NFATC2: variants seen among roughly 807,000 people sequenced by gnomAD.
NFATC2 encodes nuclear factor of activated T cells 2, also known as nuclear factor of activated T-cells, cytoplasmic 2.
A neutral mutation model predicts 87.3 loss-of-function variants in NFATC2; 22 were observed. That is an observed-to-expected ratio of 0.25 (90% CI 0.18 to 0.36). NFATC2 has a LOEUF of 0.36. NFATC2 is among the 10% of genes least tolerant of loss of function. The pLI is 1.00. For synonymous variants in NFATC2, 565 were observed against 542.2 expected, an observed-to-expected ratio of 1.04 and a Z score of -0.58; for missense variants, 1,149 against 1,259.1, an observed-to-expected ratio of 0.91 and a Z score of 1.32.
intron 10 of NFATC2, among the ~76,000 whole-genome samples, 166 bp downstream of exon 10, chr20:51,398,477 G>A (rs905482213): frequency 4.6e-5 from 7 of 152,036 alleles, no homozygotes; most frequent in Non-Finnish European, 7.4e-5. Context: ...GTCCCCAGGA[G>A]TGTCCACTTC....
At chr20:51,502,779 T>C (rs1050397691) in intron 3 of NFATC2, among the ~76,000 whole-genome samples, 7 of 152,204 alleles carry the variant, frequency 4.6e-5, no homozygotes, top group Non-Finnish European at 1.0e-4. Flanking sequence ...CTGATACAGG[T>C]TCCAAAAACT....
At chr20:51,416,035 G>T (rs1979996163) in intron 9 of NFATC2, among the ~76,000 whole-genome samples, 1 of 152,110 alleles carries the variant, frequency 6.6e-6, no homozygotes, top group Non-Finnish European at 1.5e-5. Context: ...GCCGAGGTGG[G>T]TGGATCACTT....
intron 5 of NFATC2, among the ~76,000 whole-genome samples, chr20:51,461,357 TTG>T (rs1480524255): frequency 1.3e-5 from 2 of 152,186 alleles, no homozygotes; most frequent in Non-Finnish European, 2.9e-5. Context: ...ACCAGGCACC[TTG>T]CTTTTAAAGT....
chr20:51,553,151 A>G (rs1275184901), intron 1 of NFATC2, among the ~76,000 whole-genome samples: 1 of 151,730 alleles, frequency 6.6e-6, no homozygotes, highest in African/African-American at 2.4e-5. Flanking sequence ...GCTGGAGGTG[A>G]GTAGAGGCTG....
chr20:51,504,834 C>T (rs2076149088), intron 3 of NFATC2, among the ~76,000 whole-genome samples: 1 of 152,058 alleles, frequency 6.6e-6, no homozygotes, highest in South Asian at 2.1e-4. Context: ...GTCACCTCCC[C>T]TGCAGTCTTC....
chr20:51,475,470 T>C lies in NFATC2; in HGVS notation c.1523A>G (p.Asn508Ser), dbSNP rs1988630239. The C allele has an allele frequency of 1.2e-6, 2 of 1,613,754 alleles. No homozygotes were observed. The highest frequency in any genetic ancestry group is 2.2e-5 in the South Asian group (2 of 91,058). ...VLEIPLEPKN[N>S]MRATIDCAGI... ...TCCCAGCCCTTACGTTGCCCTCATG[T>C]TGTTTTTGGGCTCCAAGGGTATCTC... Residue 508 changes from asparagine to serine, a missense_variant, in exon 4 of 11, where the codon AAC becomes AGC. This residue lies in a region of NFATC2 where 581 missense variants were observed against 649.7 expected (regional missense o/e 0.89). Transcript: ENST00000371564.
chr20:51,549,470 A>T (rs6013211), intron 1 of NFATC2, among the ~76,000 whole-genome samples: 55,969 of 152,064 alleles, frequency 0.37, 10,485 homozygotes, highest in East Asian at 0.53. Context: ...ACTGGTACAT[A>T]TGAACCCCTT....
At chr20:51,546,785 G>A (rs192980843), upstream of NFATC2, among the ~76,000 whole-genome samples, 113 of 152,342 alleles carry the variant, frequency 7.4e-4, no homozygotes, top group Admixed American at 2.0e-3. Flanking sequence ...GAAACCTGAC[G>A]TAGACAGGGA....
intron 1 of NFATC2, among the ~76,000 whole-genome samples, chr20:51,538,386 C>CG (rs1220508699): frequency 7.9e-5 from 12 of 152,026 alleles, no homozygotes; most frequent in South Asian, 2.1e-4. Context: ...TAAAAACTCT[C>CG]GGGGGAAAAA....
At chr20:51,464,918 C>T (rs1360057786) in intron 5 of NFATC2, among the ~76,000 whole-genome samples, 1 of 152,218 alleles carries the variant, frequency 6.6e-6, no homozygotes, top group Non-Finnish European at 1.5e-5. Flanking sequence ...AGCCTCTTCT[C>T]ATACTGATTC....
chr20:51,519,627 C>CA (rs1326184987), intron 2 of NFATC2, among the ~76,000 whole-genome samples: 4 of 145,904 alleles, frequency 2.7e-5, no homozygotes, highest in African/African-American at 1.0e-4. Flanking sequence ...CATCTCAACA[C>CA]AAAAAAGACC....
chr20:51,504,116 G>T (rs533632803), intron 3 of NFATC2, among the ~76,000 whole-genome samples: 1 of 152,220 alleles, frequency 6.6e-6, no homozygotes, highest in East Asian at 1.9e-4. Flanking sequence ...TCCGCCTCCC[G>T]GGTTCAAGCG....
At position 51,421,424 on chromosome 20, in the gene NFATC2, A is replaced by G. The variant is rs761855686; in HGVS notation, c.2722+10643T>C. ...GTGGCACTTCCGTAATGGGGGCACA[A>G]TTCAAACGCCTAATGGGTCCAGATA... On this transcript the variant is annotated intron_variant, in intron 9 of 10. Coordinates refer to ENST00000371564, the MANE Select transcript of NFATC2 (RefSeq NM_012340.5). 1.2e-4 allele frequency among the ~76,000 whole-genome samples: 19 copies of G among 152,188 alleles called. 1 individual carries two copies. Among genetic ancestry groups the G allele is most frequent in the Non-Finnish European group, 1.9e-4 (13 of 68,038 alleles).
intron 6 of NFATC2, among the ~76,000 whole-genome samples, chr20:51,445,225 T>G (rs866407811): frequency 7.8e-4 from 119 of 152,102 alleles, no homozygotes; most frequent in African/African-American, 2.8e-3. Flanking sequence ...CAGGCTGGGC[T>G]CTCACTCTCA....
chr20:51,493,624 G>A (rs1394974655), intron 3 of NFATC2, among the ~76,000 whole-genome samples: 1 of 152,072 alleles, frequency 6.6e-6, no homozygotes, highest in East Asian at 1.9e-4. Flanking sequence ...GAGGCCCCTC[G>A]AATGCAGCAG....
intron 9 of NFATC2, among the ~76,000 whole-genome samples, chr20:51,403,922 G>A (rs1988303173): frequency 6.6e-6 from 1 of 152,212 alleles, no homozygotes; most frequent in Non-Finnish European, 1.5e-5. Flanking sequence ...CCTCTCCAAA[G>A]TCTCGGTCTA....
chr20:51,531,257 C>T (rs1446450135), intron 1 of NFATC2, among the ~76,000 whole-genome samples: 3 of 152,262 alleles, frequency 2.0e-5, no homozygotes, highest in African/African-American at 4.8e-5. Flanking sequence ...GGCCCAAAGA[C>T]TGCTGGAAGC....
chr20:51,446,833 T>G (rs775217285), intron 6 of NFATC2, among the ~76,000 whole-genome samples: 2 of 152,212 alleles, frequency 1.3e-5, no homozygotes, highest in Non-Finnish European at 2.9e-5. Context: ...GGGGGGCCAC[T>G]GACACCAGGG....
intron 3 of NFATC2, among the ~76,000 whole-genome samples, chr20:51,489,018 C>T (rs768510344): frequency 4.6e-5 from 7 of 152,182 alleles, no homozygotes; most frequent in Admixed American, 2.6e-4. Context: ...GCGAAACCCC[C>T]GTCTCTACTA....
Sources: gnomAD v4.1 joint callset for allele counts (sites outside exome capture counted in the v4.1 genomes callset) on GRCh38, gnomAD v4.1.1 for gene constraint, gnomAD v4.1.1 regional missense constraint, MANE v1.5 for transcripts, NCBI Gene and HGNC (gene_info 2026-07-23, HGNC 2026-07-21) for gene names.